Variants in PKD2 observed in about 807,000 individuals in gnomAD.
PKD2 encodes the protein polycystin-2.
A neutral mutation model predicts 105.9 loss-of-function variants in PKD2; 48 were observed. The ratio of observed to expected loss-of-function variants is 0.45; its 90% CI spans 0.36 to 0.58. PKD2 has a LOEUF of 0.58. Among genes scored for constraint, PKD2 ranks in the 20% least tolerant of loss-of-function variants. The pLI is 0.00. For synonymous variants in PKD2, 464 were observed against 481.1 expected, an observed-to-expected ratio of 0.96 and a Z score of 0.46; for missense variants, 1,078 against 1,255.3, an observed-to-expected ratio of 0.86 and a Z score of 2.13.
intron 2 of PKD2, among the ~76,000 whole-genome samples, chr4:88,022,626 T>C (rs755620208): frequency 6.6e-6 from 1 of 152,350 alleles, no homozygotes; most frequent in African/African-American, 2.4e-5. Context: ...GCTATCTTTT[T>C]AATTACTAGT....
Position 88,043,426 on chromosome 4 carries a change from A to G in PKD2, c.1288A>G (p.Asn430Asp). ...AACTTTTATTGACTTCTCAGTGTACAACGCCAACATTAACCTGTTCTGTGT... is the reference window on the plus strand; with the variant it reads ...AACTTTTATTGACTTCTCAGTGTACGACGCCAACATTAACCTGTTCTGTGT... Reference protein sequence around the residue: ...RATFIDFSVYNANINLFCVVR... With the variant: ...RATFIDFSVYDANINLFCVVR... The change falls in exon 5 of 15, where the codon AAC (asparagine) becomes GAC (aspartate). Residue 430 changes from asparagine (N) to aspartate (D), a missense_variant. Transcript: ENST00000237596. 1 of 1,613,720 alleles carries G rather than the reference A, an allele frequency of 6.2e-7. No homozygotes were observed. Among genetic ancestry groups the G allele is most frequent in the Non-Finnish European group, 8.5e-7 (1 of 1,179,662 alleles).
chr4:88,040,362 A>G (rs1727515595), intron 4 of PKD2, among the ~76,000 whole-genome samples: 1 of 152,236 alleles, frequency 6.6e-6, no homozygotes. Flanking sequence ...TGTATTCTCA[A>G]AGCCTTGAAC....
chr4:88,045,334 C>G (rs556495096), intron 5 of PKD2, among the ~76,000 whole-genome samples: 6 of 152,202 alleles, frequency 3.9e-5, no homozygotes, highest in Non-Finnish European at 4.4e-5. Flanking sequence ...CTCACCCCTA[C>G]TCTCTAACAC....
intron 2 of PKD2, among the ~76,000 whole-genome samples, chr4:88,031,127 A>G (rs145236016): frequency 5.3e-5 from 8 of 152,314 alleles, no homozygotes; most frequent in African/African-American, 1.2e-4. Flanking sequence ...CCAGTCAGCC[A>G]TGTGATTATG....
At chr4:88,036,966 C>T (rs934581084) in intron 3 of PKD2, among the ~76,000 whole-genome samples, 10 of 152,120 alleles carry the variant, frequency 6.6e-5, no homozygotes, top group South Asian at 4.1e-4. Flanking sequence ...TGGTGGCTCA[C>T]GCCTGTAATC....
intron 4 of PKD2, 37 bp from the exon 5 acceptor site, chr4:88,043,196 T>A: frequency 7.7e-7 from 1 of 1,304,172 alleles, no homozygotes. Context: ...GTTCCACTGA[T>A]TGTAACTGTT....
At chr4:88,065,926 C>T in intron 12 of PKD2, 47 bp downstream of exon 12, 1 of 990,894 alleles carries the variant, frequency 1.0e-6, no homozygotes, top group Non-Finnish European at 1.6e-6. Flanking sequence ...ACCTACAACA[C>T]CACAGATGTA....
intron 3 of PKD2, among the ~76,000 whole-genome samples, chr4:88,037,743 A>T (rs1173428535): frequency 2.0e-5 from 3 of 152,230 alleles, no homozygotes; most frequent in Non-Finnish European, 4.4e-5. Context: ...ACATTCCATG[A>T]TGATAAATGC....
Position 88,065,361 on chromosome 4 carries a change from C to T in PKD2, c.2119-13C>T, listed in dbSNP as rs755404719. 5 of 1,609,280 alleles carry T rather than the reference C, an allele frequency of 3.1e-6. No individual in the cohort carries two copies. The highest frequency in any genetic ancestry group is 3.4e-6 in the Non-Finnish European group (4 of 1,175,944). Reference sequence around the variant, plus strand: ...CACTAAACCAAGTCTTTTATTTTTTCTCTCTCTGATAGGGCTACCATAAAG... The same window carrying T: ...CACTAAACCAAGTCTTTTATTTTTTTTCTCTCTGATAGGGCTACCATAAAG... On this transcript the variant is annotated splice_polypyrimidine_tract_variant and intron_variant, in intron 10 of 14. Transcript: ENST00000237596.
At chr4:88,067,724 G>C (rs1720848152) in intron 12 of PKD2, among the ~76,000 whole-genome samples, 174 bp from the exon 13 acceptor site, 1 of 152,156 alleles carries the variant, frequency 6.6e-6, no homozygotes, top group Admixed American at 6.5e-5. Context: ...CTTGCTGTTA[G>C]TTAAATTTGC....
At chr4:88,009,753 A>G (rs1316478445) in intron 1 of PKD2, among the ~76,000 whole-genome samples, 1 of 152,158 alleles carries the variant, frequency 6.6e-6, no homozygotes, top group Non-Finnish European at 1.5e-5. Context: ...TTAAGATTCA[A>G]AACTGGATTA....
At chr4:88,047,442 T>C (rs1328885542) in intron 6 of PKD2, among the ~76,000 whole-genome samples, 2 of 151,910 alleles carry the variant, frequency 1.3e-5, no homozygotes, top group African/African-American at 4.8e-5. Flanking sequence ...ACACCTGTAG[T>C]CTCAGCTATT....
chr4:88,052,175 A>G lies in PKD2; in HGVS notation c.1716+17A>G, dbSNP rs142580445. 9.3e-5 allele frequency: 133 copies of G among 1,429,620 alleles called. No individual in the cohort carries two copies. In the African/African-American group the frequency reaches 1.7e-3, roughly 19 times the overall value. The allele number at this position is 1,429,620 out of a possible 1,614,324, so 88.6% of individuals were successfully genotyped here. A position where few individuals can be genotyped will look rare whatever the true frequency, so the allele number is the denominator to read the frequency against. On this transcript the variant is annotated intron_variant, in intron 7 of 14. Transcript: ENST00000237596. ...TGGATTAAGGTAATTTATAAATTTC[A>G]TGTTCTACATTTTAAATAATATTTT... is the stretch of plus-strand genomic sequence containing the variant.
chr4:88,075,710 ATG>A lies in PKD2; in HGVS notation c.*22_*23del. ...CCACGTATGATATGTGTGTTTCAGT[ATG>A]TGTGTTTCTAATAAGTGAGGAAGTG... On this transcript the variant is annotated 3_prime_UTR_variant, in exon 15 of 15. Transcript: ENST00000237596. The A allele has an allele frequency of 6.4e-7, 1 of 1,568,026 alleles. No individual in the cohort carries two copies.
intron 6 of PKD2, among the ~76,000 whole-genome samples, chr4:88,048,118 T>G (rs1471378839): frequency 6.6e-6 from 1 of 152,224 alleles, no homozygotes; most frequent in Non-Finnish European, 1.5e-5. Context: ...TATTAGATGC[T>G]TACAAGCTTT....
Position 88,034,668 on chromosome 4 carries a change from C to CAAAAAA in PKD2, c.710-1537_710-1532dup, listed in dbSNP as rs61534136. Among the ~76,000 whole-genome samples, 3 of 71,884 alleles carry CAAAAAA rather than the reference C, an allele frequency of 4.2e-5. 1 individual carries two copies. The highest frequency in any genetic ancestry group is 2.7e-5 in the Non-Finnish European group (1 of 37,254). 47.2% of individuals were successfully genotyped at this position (71,884 alleles called of 152,430 possible). A position where few individuals can be genotyped will look rare whatever the true frequency, so the allele number is the denominator to read the frequency against. ...GGGCAACAACAGTGAAACTCCGTCT[C>CAAAAAA]AAAAAAAAAAAAAAAAAAAAGGCAG... On this transcript the variant is annotated intron_variant, in intron 2 of 14. Coordinates refer to ENST00000237596, the MANE Select transcript of PKD2 (RefSeq NM_000297.4).
chr4:88,057,961 G>A (rs781682198), intron 8 of PKD2, 22 bp from the exon 9 acceptor site: 4 of 1,558,536 alleles, frequency 2.6e-6, no homozygotes, highest in Non-Finnish European at 3.5e-6. Flanking sequence ...TTGTATTGTG[G>A]TGTTTTGTTT....
At chr4:88,016,663 A>G (rs2110086901) in intron 1 of PKD2, among the ~76,000 whole-genome samples, 1 of 152,298 alleles carries the variant, frequency 6.6e-6, no homozygotes, top group South Asian at 2.1e-4. Context: ...GTAATTTAGA[A>G]AAAGAAAATA....
chr4:88,055,780 A>G (rs1055493831), intron 7 of PKD2, among the ~76,000 whole-genome samples: 6 of 151,838 alleles, frequency 4.0e-5, no homozygotes, highest in Non-Finnish European at 7.4e-5. Context: ...GAACTTTTTC[A>G]TTATTCTAAA....
Sources: gnomAD v4.1 joint callset for allele counts (sites outside exome capture counted in the v4.1 genomes callset) on GRCh38, gnomAD v4.1.1 for gene constraint, MANE v1.5 for transcripts, NCBI Gene and HGNC (gene_info 2026-07-23, HGNC 2026-07-21) for gene names.